The following DACH1 variants were observed in gnomAD, a reference collection of about 807,000 sequenced individuals.
The protein encoded by DACH1 is dachshund family transcription factor 1.
DACH1 carries 12 observed loss-of-function variants against 54.2 expected under a neutral mutation model. That is an observed-to-expected ratio of 0.22 (90% confidence interval 0.14 to 0.36). DACH1 has a LOEUF of 0.36. DACH1 is among the 10% of genes least tolerant of loss of function. The pLI, the probability that DACH1 is intolerant of heterozygous loss-of-function variation, is 1.00. For synonymous variants in DACH1, 386 were observed against 366.2 expected, an observed-to-expected ratio of 1.05 and a Z score of -0.62; for missense variants, 805 against 929.8, an observed-to-expected ratio of 0.87 and a Z score of 1.75.
intron 3 of DACH1, among the ~76,000 whole-genome samples, chr13:71,611,916 G>C (rs1164851324): frequency 6.6e-6 from 1 of 152,046 alleles, no homozygotes; most frequent in Non-Finnish European, 1.5e-5. Context: ...CTGCCACAAA[G>C]GGTTTATAGT....
At chr13:71,497,530 C>A (rs1593789792) in intron 6 of DACH1, among the ~76,000 whole-genome samples, 2 of 151,978 alleles carry the variant, frequency 1.3e-5, no homozygotes, top group Admixed American at 1.3e-4. Flanking sequence ...CGGGGTTTCT[C>A]CATGTTGGTC....
chr13:71,551,162 T>C (rs968255356), intron 6 of DACH1, among the ~76,000 whole-genome samples: 1 of 152,124 alleles, frequency 6.6e-6, no homozygotes, highest in Admixed American at 6.6e-5. Flanking sequence ...ATTTGTTTAC[T>C]TATAATTTAA....
chr13:71,557,180 C>G (rs189440462), intron 5 of DACH1, 22 bp from the exon 6 acceptor site: 2 of 1,585,966 alleles, frequency 1.3e-6, no homozygotes, highest in Non-Finnish European at 1.7e-6. Flanking sequence ...CAAAAGAAAA[C>G]AAACAAAACA....
chr13:71,797,130 G>A (rs1219557391), intron 1 of DACH1, among the ~76,000 whole-genome samples: 4 of 151,712 alleles, frequency 2.6e-5, no homozygotes, highest in African/African-American at 7.3e-5. Context: ...TACTAATAAT[G>A]GTAGAAATCT....
chr13:71,556,212 G>A (rs1884240080), intron 6 of DACH1, among the ~76,000 whole-genome samples: 1 of 151,788 alleles, frequency 6.6e-6, no homozygotes, highest in Non-Finnish European at 1.5e-5. Context: ...CCCCTTTTAT[G>A]TTTTCCAAAG....
rs1875218295 is a variant in DACH1 at position 71,453,044 on chromosome 13, T to G, written c.2084-12352A>C. On this transcript the variant is annotated intron_variant, in intron 10 of 10. Transcript: ENST00000613252. ...TGGTAAAGTATTTTTGTGTGTGTCT[T>G]CTAATTAAATATTCATTAGTAAGAA... Among the ~76,000 whole-genome samples, 6 of 152,210 alleles carry G rather than the reference T, an allele frequency of 3.9e-5. No homozygotes were observed. The South Asian group carries it at 8.3e-4, about 21-fold the overall frequency.
chr13:71,630,473 C>T, intron 3 of DACH1, 83 bp downstream of exon 3: 2 of 1,447,644 alleles, frequency 1.4e-6, no homozygotes, highest in East Asian at 2.5e-5. Context: ...GAATGGGTAG[C>T]CAACAGTTTT....
At chr13:71,789,920 T>C (rs1192393843) in intron 1 of DACH1, among the ~76,000 whole-genome samples, 1 of 152,102 alleles carries the variant, frequency 6.6e-6, no homozygotes, top group Non-Finnish European at 1.5e-5. Context: ...TCAATGTCAG[T>C]GCCGGCATAC....
At chr13:71,769,248 AT>A (rs902642872) in intron 1 of DACH1, among the ~76,000 whole-genome samples, 57 of 151,230 alleles carry the variant, frequency 3.8e-4, no homozygotes, top group Non-Finnish European at 5.2e-4. Flanking sequence ...TGCCTTTATA[AT>A]TTTTTTTTCT....
chr13:71,439,839 T>G lies in DACH1; in HGVS notation c.*816A>C, dbSNP rs914551629. The G allele has an allele frequency of 2.6e-5, 4 of 152,462 alleles. No homozygotes were observed. Among genetic ancestry groups the G allele is most frequent in the Admixed American group, 6.6e-5 (1 of 15,230 alleles). The allele number at this position is 152,462 out of a possible 1,614,324, so 9.4% of individuals were successfully genotyped here. ...TAATACCTTCCTTGTGTGTTTTATG[T>G]TTATATACTGTACATATGACCAACA... On this transcript the variant is annotated 3_prime_UTR_variant, in exon 11 of 11. Coordinates refer to ENST00000613252, the MANE Select transcript of DACH1 (RefSeq NM_080759.6).
chr13:71,593,369 TACAG>T (rs1263940161), intron 3 of DACH1, among the ~76,000 whole-genome samples: 2 of 152,148 alleles, frequency 1.3e-5, no homozygotes, highest in Non-Finnish European at 2.9e-5. Flanking sequence ...TGAAAGCTTT[TACAG>T]ACAATGGATC....
chr13:71,549,280 C>T (rs375746741), intron 6 of DACH1, among the ~76,000 whole-genome samples: 10 of 152,028 alleles, frequency 6.6e-5, no homozygotes, highest in East Asian at 5.8e-4. Flanking sequence ...CTCTACCTCA[C>T]GTTTAATGCT....
chr13:71,634,889 CA>C (rs1310402822), intron 2 of DACH1, among the ~76,000 whole-genome samples: 1 of 152,142 alleles, frequency 6.6e-6, no homozygotes, highest in Non-Finnish European at 1.5e-5. Flanking sequence ...TACTATTCTA[CA>C]GGTCATTTTA....
intron 1 of DACH1, among the ~76,000 whole-genome samples, chr13:71,807,034 G>C (rs1050234815): frequency 6.6e-6 from 1 of 152,142 alleles, no homozygotes; most frequent in South Asian, 2.1e-4. Context: ...CAACTCCGGG[G>C]CATAGGTGGG....
At chr13:71,789,380 T>G (rs988938352) in intron 1 of DACH1, among the ~76,000 whole-genome samples, 1 of 152,060 alleles carries the variant, frequency 6.6e-6, no homozygotes, top group Non-Finnish European at 1.5e-5. Flanking sequence ...AAATAAGAAA[T>G]AAATTTAATC....
chr13:71,734,092 ATG>A (rs918421907), intron 1 of DACH1, among the ~76,000 whole-genome samples: 4 of 146,908 alleles, frequency 2.7e-5, no homozygotes, highest in East Asian at 3.9e-4. Flanking sequence ...TTGAATATAT[ATG>A]TGTGTGTGTA....
At chr13:71,553,650 T>C (rs1019381368) in intron 6 of DACH1, among the ~76,000 whole-genome samples, 1 of 141,274 alleles carries the variant, frequency 7.1e-6, no homozygotes, top group Admixed American at 7.0e-5. Context: ...TTTATATATA[T>C]AGTATATATA....
chr13:71,444,708 G>T (rs1874293835), intron 10 of DACH1, among the ~76,000 whole-genome samples: 2 of 152,078 alleles, frequency 1.3e-5, no homozygotes, highest in Non-Finnish European at 2.9e-5. Flanking sequence ...TTTTAAGTAT[G>T]AATAATTATT....
chr13:71,479,463 A>G, intron 7 of DACH1, 147 bp from the exon 8 acceptor site: 1 of 651,066 alleles, frequency 1.5e-6, no homozygotes. Context: ...AACAAATACT[A>G]TAACTAAAGC....
Sources: allele counts gnomAD v4.1 joint callset (sites outside exome capture counted in the v4.1 genomes callset), GRCh38; gene constraint gnomAD v4.1.1; transcripts MANE v1.5; gene names NCBI Gene and HGNC (gene_info 2026-07-23, HGNC 2026-07-21).